AK5: variants seen among roughly 807,000 people sequenced by gnomAD.
The protein encoded by AK5 is adenylate kinase 5, also known as adenylate kinase isoenzyme 5.
Under a neutral mutation model 69.5 loss-of-function variants are expected in AK5, and 27 were observed. The ratio of observed to expected loss-of-function variants is 0.39; its 90% CI spans 0.29 to 0.54. The LOEUF (loss-of-function observed/expected upper bound fraction) is 0.54. AK5 is among the 20% of genes least tolerant of loss of function. The pLI, the probability that AK5 is intolerant of heterozygous loss-of-function variation, is 0.71. For missense variants in AK5, 531 were observed against 700.4 expected (o/e 0.76, Z 2.73); for synonymous variants, 260 against 244.4 (o/e 1.06, Z -0.60).
At chr1:77,448,359 T>C (rs1652885736) in intron 8 of AK5, among the ~76,000 whole-genome samples, 1 of 152,172 alleles carries the variant, frequency 6.6e-6, no homozygotes, top group African/African-American at 2.4e-5. Flanking sequence ...GGGCAGACGA[T>C]GGGACAACCT....
intron 8 of AK5, among the ~76,000 whole-genome samples, chr1:77,444,766 AG>A (rs1222397241): frequency 6.8e-6 from 1 of 148,136 alleles, no homozygotes; most frequent in Non-Finnish European, 1.5e-5. Context: ...GATTGGGGGG[AG>A]GGTCTCACTT....
intron 5 of AK5, among the ~76,000 whole-genome samples, chr1:77,322,121 C>T (rs1194871233): frequency 1.3e-5 from 2 of 152,066 alleles, no homozygotes; most frequent in Non-Finnish European, 2.9e-5. Flanking sequence ...TGTTTGAATA[C>T]ATAGTCATGG....
At chr1:77,541,854 G>T (rs1406656095) in intron 13 of AK5, among the ~76,000 whole-genome samples, 1 of 152,208 alleles carries the variant, frequency 6.6e-6, no homozygotes, top group Non-Finnish European at 1.5e-5. Context: ...TGAGAGAAAT[G>T]ATGTGGTTGG....
intron 8 of AK5, among the ~76,000 whole-genome samples, chr1:77,448,820 G>T (rs1652930208): frequency 6.6e-6 from 1 of 152,222 alleles, no homozygotes; most frequent in African/African-American, 2.4e-5. Flanking sequence ...AGGCTCTGTG[G>T]TTCCAGTGTC....
chr1:77,299,869 G>A (rs1659235204), intron 5 of AK5, among the ~76,000 whole-genome samples: 1 of 152,022 alleles, frequency 6.6e-6, no homozygotes, highest in East Asian at 1.9e-4. Flanking sequence ...TTTTAAACAT[G>A]CTATGTTGAA....
intron 10 of AK5, among the ~76,000 whole-genome samples, chr1:77,495,989 G>T (rs1049164697): frequency 6.6e-6 from 1 of 152,256 alleles, no homozygotes; most frequent in East Asian, 1.9e-4. Context: ...CAGCAAAATG[G>T]CAGCCTAAGG....
At chr1:77,419,500 T>C (rs1299785744) in intron 8 of AK5, among the ~76,000 whole-genome samples, 1 of 150,670 alleles carries the variant, frequency 6.6e-6, no homozygotes, top group Non-Finnish European at 1.5e-5. Context: ...CATGAACAAA[T>C]GGAAAAGAAG....
At chr1:77,412,983 T>C (rs1009637492) in intron 7 of AK5, among the ~76,000 whole-genome samples, 14 of 152,062 alleles carry the variant, frequency 9.2e-5, no homozygotes, top group African/African-American at 2.4e-4. Flanking sequence ...CTGTCTGTCA[T>C]GAATGTCCTG....
At chr1:77,400,505 G>A (rs1339576695) in intron 6 of AK5, among the ~76,000 whole-genome samples, 2 of 152,126 alleles carry the variant, frequency 1.3e-5, no homozygotes, top group South Asian at 2.1e-4. Context: ...AGTAAATGGC[G>A]TTACCTGGTG....
At chr1:77,347,197 C>T (rs1661960248) in intron 6 of AK5, among the ~76,000 whole-genome samples, 1 of 152,152 alleles carries the variant, frequency 6.6e-6, no homozygotes, top group African/African-American at 2.4e-5. Flanking sequence ...GATATATGGT[C>T]CCCTAAATTG....
In AK5 at chr1:77,529,341, T is replaced by G. The variant is rs184087231; in HGVS notation, c.1429-6506T>G. Among the ~76,000 whole-genome samples, 187 of 151,438 alleles carry G rather than the reference T, an allele frequency of 1.2e-3. 2 individuals are homozygous for G. The highest frequency in any genetic ancestry group is 4.4e-3 in the African/African-American group (183 of 41,296). On this transcript the variant is annotated intron_variant, in intron 12 of 13. Coordinates refer to ENST00000354567, the MANE Select transcript of AK5 (RefSeq NM_174858.3). ...AGGACCCCCGTTTTATAGGTTTTTT[T>G]TTTTTTTTTTGAGACGGAGTCTTGC...
chr1:77,445,629 G>C (rs1489790578), intron 8 of AK5, among the ~76,000 whole-genome samples: 1 of 152,152 alleles, frequency 6.6e-6, no homozygotes, highest in African/African-American at 2.4e-5. Flanking sequence ...TTGTCACCCA[G>C]GCTGGAGTGC....
rs1339924520 is a variant in AK5, at chr1:77,502,574, T to G, written c.1148-15990T>G. On this transcript the variant is annotated intron_variant, in intron 10 of 13. Coordinates refer to ENST00000354567, the MANE Select transcript of AK5 (RefSeq NM_174858.3). ...AACATGTTTCTATGACAGAGTCTAA[T>G]GTAGGCCTCCTCCTGGAAAATCCAG... Among the ~76,000 whole-genome samples, 3 of 152,332 alleles carry G rather than the reference T, an allele frequency of 2.0e-5. No individual in the cohort carries two copies. In the East Asian group the frequency reaches 5.8e-4, roughly 29 times the overall value.
At chr1:77,507,206 G>T (rs1368873147) in intron 10 of AK5, among the ~76,000 whole-genome samples, 1 of 152,200 alleles carries the variant, frequency 6.6e-6, no homozygotes, top group African/African-American at 2.4e-5. Context: ...AGCTCCCAGT[G>T]ACCATTCCAG....
chr1:77,513,802 C>T (rs917044016), intron 10 of AK5, among the ~76,000 whole-genome samples: 1 of 152,224 alleles, frequency 6.6e-6, no homozygotes, highest in Non-Finnish European at 1.5e-5. Flanking sequence ...AGGAGTCCAG[C>T]TCAGGATGCT....
chr1:77,293,972 G>A lies in AK5; in HGVS notation c.415+12G>A, dbSNP rs1188306183. On this transcript the variant is annotated intron_variant, in intron 3 of 13. Coordinates refer to ENST00000354567, the MANE Select transcript of AK5 (RefSeq NM_174858.3). ...CATTCTTGTTATAGGTATGAGGACA[G>A]AAAGCAAAAATTCTCATACCGTTGC... is the stretch of plus-strand genomic sequence containing the variant. 1 of 1,599,758 alleles carries A rather than the reference G, an allele frequency of 6.3e-7. No individual in the cohort carries two copies. Among genetic ancestry groups the A allele is most frequent in the South Asian group, 1.2e-5 (1 of 86,952 alleles).
chr1:77,295,306 C>T (rs1658930021), intron 3 of AK5, among the ~76,000 whole-genome samples: 1 of 152,142 alleles, frequency 6.6e-6, no homozygotes, highest in Non-Finnish European at 1.5e-5. Flanking sequence ...CAAATAAACA[C>T]ACCAAGCTAT....
intron 7 of AK5, among the ~76,000 whole-genome samples, chr1:77,417,110 G>C (rs1412388337): frequency 6.6e-6 from 1 of 152,102 alleles, no homozygotes; most frequent in Non-Finnish European, 1.5e-5. Flanking sequence ...GTGACCCGAA[G>C]GCTTGAGGAA....
intron 8 of AK5, among the ~76,000 whole-genome samples, chr1:77,473,196 T>C (rs934264496): frequency 2.0e-5 from 3 of 150,520 alleles, no homozygotes; most frequent in Admixed American, 6.6e-5. Flanking sequence ...GGAAGCTTCT[T>C]GGGGTTTTTT....
Sources: allele counts gnomAD v4.1 joint callset (sites outside exome capture counted in the v4.1 genomes callset), GRCh38; gene constraint gnomAD v4.1.1; transcripts MANE v1.5; gene names NCBI Gene and HGNC (gene_info 2026-07-23, HGNC 2026-07-21).